NCMAP: variants seen among roughly 807,000 people sequenced by gnomAD.
NCMAP encodes the protein non-compact myelin associated protein.
In NCMAP, 8 loss-of-function variants were observed where a neutral mutation model predicts 7.8. That is an observed-to-expected ratio of 1.02 (90% CI 0.60 to 1.84). NCMAP has a LOEUF of 1.84. Ranked by LOEUF, NCMAP falls within the 40% of genes most tolerant of loss-of-function variation. NCMAP has a pLI of 0.00. For missense variants in NCMAP, 112 were observed against 131.4 expected (o/e 0.85, Z 0.72); for synonymous variants, 41 against 52.9 (o/e 0.78, Z 0.98).
Position 24,598,318 on chromosome 1 carries a change from C to T in NCMAP, c.83-2622C>T, listed in dbSNP as rs571495075. On this transcript the variant is annotated intron_variant, in intron 2 of 3. Transcript: ENST00000374392. ...AATTGCCACAAAGTGAACATACCTG[C>T]GCAACCAGTCCCCAAATCAAAAAAG... 7.2e-5 allele frequency among the ~76,000 whole-genome samples: 11 copies of T among 152,218 alleles called. No homozygotes were observed. In the South Asian group the frequency reaches 1.0e-3, roughly 14 times the overall value.
intron 1 of NCMAP, among the ~76,000 whole-genome samples, chr1:24,575,668 G>A (rs1349860957): frequency 6.6e-6 from 1 of 152,098 alleles, no homozygotes. Flanking sequence ...AAAACTGCCC[G>A]GGCGTGGTGG....
intron 2 of NCMAP, among the ~76,000 whole-genome samples, chr1:24,597,574 T>G (rs1570537668): frequency 4.5e-5 from 3 of 67,334 alleles, no homozygotes; most frequent in Non-Finnish European, 8.9e-5. Flanking sequence ...GGTTCTCCTG[T>G]AAAAACAAAA....
chr1:24,583,340 C>T (rs1488674379), intron 1 of NCMAP, among the ~76,000 whole-genome samples: 1 of 152,088 alleles, frequency 6.6e-6, no homozygotes, highest in Non-Finnish European at 1.5e-5. Flanking sequence ...GTCAGTAGTA[C>T]CAAGGATGAG....
At position 24,607,495 on chromosome 1, in the gene NCMAP, T is replaced by C. The variant is rs961038506; in HGVS notation, c.*1748T>C. On this transcript the variant is annotated 3_prime_UTR_variant, in exon 4 of 4. Transcript: ENST00000374392. ...CATCTTGGAAACAAGGTAATAAATC[T>C]CTATTCTGTTAAAGAAAGTGACACA... The C allele has an allele frequency of 7.9e-5, 12 of 152,166 alleles. No individual in the cohort carries two copies. The highest frequency in any genetic ancestry group is 3.3e-4 in the Admixed American group (5 of 15,262). 9.4% of individuals were successfully genotyped at this position (152,166 alleles called of 1,614,324 possible).
chr1:24,571,145 C>T (rs1016526241), intron 1 of NCMAP, among the ~76,000 whole-genome samples: 2 of 150,712 alleles, frequency 1.3e-5, no homozygotes, highest in Non-Finnish European at 2.9e-5. Flanking sequence ...ATGTGAGCCA[C>T]ATATGTTATT....
At position 24,577,031 on chromosome 1, in the gene NCMAP, G is replaced by A. The variant is rs552650497; in HGVS notation, c.-7-18393G>A. ...TGCATGCCTGTGATCCCAGCTCCTC[G>A]TGAGGCTGAGGAAGAAGCATCACAT... On this transcript the variant is annotated intron_variant, in intron 1 of 3. Transcript: ENST00000374392. Among the ~76,000 whole-genome samples the A allele has an allele frequency of 2.8e-3, 429 of 152,160 alleles. 1 individual carries two copies. Among genetic ancestry groups the A allele is most frequent in the Admixed American group, 7.4e-3 (113 of 15,276 alleles).
intron 2 of NCMAP, among the ~76,000 whole-genome samples, chr1:24,596,283 A>T (rs776609376): frequency 7.9e-5 from 12 of 151,726 alleles, no homozygotes; most frequent in Admixed American, 3.9e-4. Context: ...AAACAAAAAA[A>T]TATTACTACT....
chr1:24,591,032 G>A (rs772687617), intron 1 of NCMAP, among the ~76,000 whole-genome samples: 18 of 151,900 alleles, frequency 1.2e-4, no homozygotes, highest in Non-Finnish European at 1.8e-4. Flanking sequence ...CTTGCACGGC[G>A]AAGGAGAGAA....
At chr1:24,592,953 G>A (rs960169224) in intron 1 of NCMAP, among the ~76,000 whole-genome samples, 3 of 151,964 alleles carry the variant, frequency 2.0e-5, no homozygotes, top group Admixed American at 6.6e-5. Flanking sequence ...GCTGAGGCTG[G>A]TGGATCACTT....
chr1:24,593,897 T>C (rs1412348110), intron 1 of NCMAP, among the ~76,000 whole-genome samples: 1 of 118,198 alleles, frequency 8.5e-6, no homozygotes, highest in African/African-American at 2.8e-5. Flanking sequence ...TATTTATTTA[T>C]TTATTTTTTA....
chr1:24,574,024 TCTC>T (rs142442724), intron 1 of NCMAP, among the ~76,000 whole-genome samples: 17,406 of 146,266 alleles, frequency 0.12, 1,737 homozygotes, highest in African/African-American at 0.22. Flanking sequence ...GATACGCTCA[TCTC>T]CTGTGTTGGA....
intron 2 of NCMAP, 61 bp downstream of exon 2, chr1:24,595,573 G>A: frequency 7.4e-7 from 1 of 1,360,386 alleles, no homozygotes; most frequent in Non-Finnish European, 1.0e-6. Flanking sequence ...CATGGTCATA[G>A]TGCAGAGGTT....
rs9726644 is a variant in NCMAP, at chr1:24,604,605, A to T, written c.168-1001A>T. Among the ~76,000 whole-genome samples the T allele has an allele frequency of 8.0e-4, 17 of 21,184 alleles. 1 individual carries two copies. Among genetic ancestry groups the T allele is most frequent in the African/African-American group, 1.1e-3 (4 of 3,584 alleles). 13.9% of individuals were successfully genotyped at this position (21,184 alleles called of 152,430 possible). A position where few individuals can be genotyped will look rare whatever the true frequency, so the allele number is the denominator to read the frequency against. On this transcript the variant is annotated intron_variant, in intron 3 of 3. Coordinates refer to ENST00000374392, the MANE Select transcript of NCMAP (RefSeq NM_001010980.5). ...AAAAAAAAAAAAAAAAAAAAAAAAA[A>T]ATATATATATATATATATATATATA...
intron 1 of NCMAP, among the ~76,000 whole-genome samples, chr1:24,572,301 C>A (rs1261045701): frequency 6.6e-6 from 1 of 150,618 alleles, no homozygotes; most frequent in East Asian, 1.9e-4. Flanking sequence ...GAGATGGGCT[C>A]CGTATCCCCA....
intron 1 of NCMAP, among the ~76,000 whole-genome samples, chr1:24,565,919 G>A (rs1463455669): frequency 6.6e-6 from 1 of 152,114 alleles, no homozygotes; most frequent in Non-Finnish European, 1.5e-5. Flanking sequence ...AATCATCGTG[G>A]TGGTTTCCTC....
chr1:24,604,589 AAAAAAAAAAAAAAAAAAT>A (rs1652623062), intron 3 of NCMAP, among the ~76,000 whole-genome samples: 1 of 60,242 alleles, frequency 1.7e-5, no homozygotes, highest in Non-Finnish European at 2.8e-5. Context: ...AAAAAAAAAA[AAAAAAAAAAAAAAAAAAT>A]ATATATATAT....
At chr1:24,603,974 C>T (rs1170319728) in intron 3 of NCMAP, among the ~76,000 whole-genome samples, 1 of 152,138 alleles carries the variant, frequency 6.6e-6, no homozygotes. Flanking sequence ...TATTGAGGGG[C>T]CAGTATCTGG....
chr1:24,574,502 G>A (rs190033126), intron 1 of NCMAP, among the ~76,000 whole-genome samples: 76 of 152,280 alleles, frequency 5.0e-4, no homozygotes, highest in African/African-American at 1.8e-3. Context: ...ATGTCCCAAG[G>A]TCTTCAGCTT....
At chr1:24,596,950 A>C (rs1652250614) in intron 2 of NCMAP, among the ~76,000 whole-genome samples, 2 of 151,896 alleles carry the variant, frequency 1.3e-5, no homozygotes, top group African/African-American at 4.8e-5. Context: ...CATGGGACAG[A>C]CTTCCCTACA....
Sources: gnomAD v4.1 joint callset for allele counts (sites outside exome capture counted in the v4.1 genomes callset) on GRCh38, gnomAD v4.1.1 for gene constraint, MANE v1.5 for transcripts, NCBI Gene and HGNC (gene_info 2026-07-23, HGNC 2026-07-21) for gene names.